HYCC1: variants seen among roughly 807,000 people sequenced by gnomAD.
The protein encoded by HYCC1 is hyccin PI4KA lipid kinase complex subunit 1.
At chr7:22,982,286 G>A in the HYCC1 span, among the ~76,000 whole-genome samples, 2 of 152,178 alleles carry the variant, frequency 1.3e-5, no homozygotes, top group African/African-American at 2.4e-5. Flanking sequence ...AGAAGGAAGA[G>A]ACAAGACAAA....
the HYCC1 span, chr7:22,943,533 A>G: frequency 1.3e-5 from 2 of 152,214 alleles, no homozygotes; most frequent in African/African-American, 4.8e-5. Context: ...GTTCCATTAC[A>G]GTGATAGAAC....
chr7:22,993,707 TACAC>T, the HYCC1 span, among the ~76,000 whole-genome samples: 2 of 148,176 alleles, frequency 1.3e-5, no homozygotes, highest in Non-Finnish European at 3.0e-5. Flanking sequence ...CACACACACA[TACAC>T]ACACACACGT....
At chr7:22,964,374 A>G in the HYCC1 span, 1 of 1,136,772 alleles carries the variant, frequency 8.8e-7, no homozygotes, top group Admixed American at 1.7e-5. Flanking sequence ...TAATTTTCCA[A>G]AGAAATTAAA....
the HYCC1 span, among the ~76,000 whole-genome samples, chr7:22,949,585 A>T: frequency 0.69 from 104,419 of 151,666 alleles, 35,932 homozygotes; most frequent in South Asian, 0.72. Flanking sequence ...AGGTCTGTGT[A>T]TTTTTTTAAT....
chr7:22,907,588 G>T, the HYCC1 span, among the ~76,000 whole-genome samples: 1 of 152,200 alleles, frequency 6.6e-6, no homozygotes. Context: ...AGGATTCATA[G>T]GTAGATGCAG....
At chr7:23,010,710 AC>A in the HYCC1 span, among the ~76,000 whole-genome samples, 1 of 152,104 alleles carries the variant, frequency 6.6e-6, no homozygotes, top group East Asian at 1.9e-4. Flanking sequence ...TGGGTTCAAC[AC>A]CCCCCCACAC....
chr7:22,981,627 G>A, the HYCC1 span, among the ~76,000 whole-genome samples: 1 of 152,176 alleles, frequency 6.6e-6, no homozygotes, highest in Non-Finnish European at 1.5e-5. Context: ...GCTTCGGAAA[G>A]TGTGGTCCTG....
chr7:22,981,404 T>C, the HYCC1 span, among the ~76,000 whole-genome samples: 11 of 152,204 alleles, frequency 7.2e-5, no homozygotes, highest in African/African-American at 2.7e-4. Context: ...TAATATCAAC[T>C]TGTTAGGAAT....
At chr7:22,975,867 C>A in the HYCC1 span, among the ~76,000 whole-genome samples, 1 of 152,116 alleles carries the variant, frequency 6.6e-6, no homozygotes, top group South Asian at 2.1e-4. Flanking sequence ...CAGGCGTGCA[C>A]CACCATGCCC....
At chr7:22,981,032 C>T in the HYCC1 span, among the ~76,000 whole-genome samples, 5 of 152,282 alleles carry the variant, frequency 3.3e-5, no homozygotes, top group Non-Finnish European at 7.4e-5. Context: ...ACTCCTAATT[C>T]GTTTGGATCT....
chr7:22,961,187 T>C, the HYCC1 span: 1 of 1,234,308 alleles, frequency 8.1e-7, no homozygotes, highest in Non-Finnish European at 1.2e-6. Context: ...AGTTCTAAAT[T>C]GAGAAATCTT....
chr7:22,925,378 T>C, the HYCC1 span, among the ~76,000 whole-genome samples: 4 of 152,026 alleles, frequency 2.6e-5, no homozygotes, highest in East Asian at 7.7e-4. Context: ...AAGATCAAGC[T>C]ACTCCGAGCT....
chr7:23,013,338 C>A, the HYCC1 span, among the ~76,000 whole-genome samples: 1 of 152,244 alleles, frequency 6.6e-6, no homozygotes, highest in Non-Finnish European at 1.5e-5. Context: ...CTCCGCCCTG[C>A]AGGGGACCAA....
chr7:22,986,459 C>G, the HYCC1 span, among the ~76,000 whole-genome samples: 1 of 152,322 alleles, frequency 6.6e-6, no homozygotes, highest in African/African-American at 2.4e-5. Context: ...AAGGTAGTGA[C>G]CTTCTTAAAT....
At chr7:22,912,291 T>C in the HYCC1 span, among the ~76,000 whole-genome samples, 1 of 152,176 alleles carries the variant, frequency 6.6e-6, no homozygotes, top group African/African-American at 2.4e-5. Context: ...CAGCTCAGCT[T>C]GACAGAAGCT....
chr7:22,989,897 CTTCT>C, the HYCC1 span, among the ~76,000 whole-genome samples: 1 of 152,146 alleles, frequency 6.6e-6, no homozygotes, highest in South Asian at 2.1e-4. Flanking sequence ...TAACAATCTC[CTTCT>C]TTGAGTGACT....
At chr7:22,946,538 G>C in the HYCC1 span, among the ~76,000 whole-genome samples, 2 of 151,892 alleles carry the variant, frequency 1.3e-5, no homozygotes, top group South Asian at 2.1e-4. Context: ...CTCTTACCAA[G>C]GAACTTTTAA....
chr7:22,952,465 C>T, the HYCC1 span, among the ~76,000 whole-genome samples: 7 of 151,870 alleles, frequency 4.6e-5, no homozygotes, highest in African/African-American at 7.2e-5. Flanking sequence ...TGGCTTAGTA[C>T]GTTGAAGTGT....
chr7:22,924,554 G>A, the HYCC1 span, among the ~76,000 whole-genome samples: 3 of 152,356 alleles, frequency 2.0e-5, no homozygotes, highest in Non-Finnish European at 2.9e-5. Context: ...ATGGCTCCGA[G>A]GGTCCTACAC....
Sources: allele counts gnomAD v4.1 joint callset (sites outside exome capture counted in the v4.1 genomes callset), GRCh38; gene constraint gnomAD v4.1.1; transcripts MANE v1.5; gene names NCBI Gene and HGNC (gene_info 2026-07-23, HGNC 2026-07-21).